Variants in FBXL7 observed in about 807,000 individuals in gnomAD.
FBXL7 encodes the protein F-box/LRR-repeat protein 7.
FBXL7 carries 12 observed loss-of-function variants against 38.3 expected under a neutral mutation model. That is an observed-to-expected ratio of 0.31 (90% CI 0.20 to 0.51). The LOEUF (loss-of-function observed/expected upper bound fraction) is 0.51, where lower values mean the gene tolerates loss of function less well. FBXL7 is among the 20% of genes least tolerant of loss of function. The pLI is 0.98. For missense variants in FBXL7, 567 were observed against 676.4 expected (o/e 0.84, Z 1.79); for synonymous variants, 297 against 300.9 (o/e 0.99, Z 0.13).
At chr5:15,769,237 T>A (rs1421620641) in intron 2 of FBXL7, among the ~76,000 whole-genome samples, 1 of 152,228 alleles carries the variant, frequency 6.6e-6, no homozygotes, top group Non-Finnish European at 1.5e-5. Flanking sequence ...ATTGGAATCC[T>A]CTAATAAATA....
chr5:15,624,021 T>A (rs1740730401), intron 2 of FBXL7, among the ~76,000 whole-genome samples: 1 of 152,212 alleles, frequency 6.6e-6, no homozygotes, highest in African/African-American at 2.4e-5. Context: ...TTCATGCTAA[T>A]CATTTTTCTA....
At chr5:15,921,745 G>A (rs1180623608) in intron 2 of FBXL7, among the ~76,000 whole-genome samples, 1 of 152,168 alleles carries the variant, frequency 6.6e-6, no homozygotes, top group Non-Finnish European at 1.5e-5. Context: ...ATGAAAAGGT[G>A]CTCAATATCA....
intron 2 of FBXL7, among the ~76,000 whole-genome samples, chr5:15,687,690 G>C (rs1283990388): frequency 6.6e-6 from 1 of 151,854 alleles, no homozygotes. Flanking sequence ...GCACAGTGAG[G>C]ACAGTGAGGA....
intron 2 of FBXL7, among the ~76,000 whole-genome samples, chr5:15,813,181 T>C (rs1460682287): frequency 2.0e-5 from 3 of 152,026 alleles, no homozygotes; most frequent in Non-Finnish European, 4.4e-5. Flanking sequence ...ATAGGAGTGG[T>C]GAGGGAGGGC....
chr5:15,808,515 C>G (rs934113113), intron 2 of FBXL7, among the ~76,000 whole-genome samples: 2 of 152,166 alleles, frequency 1.3e-5, no homozygotes, highest in African/African-American at 4.8e-5. Context: ...GTATTTCCCA[C>G]TGTGTATCCT....
At chr5:15,718,511 A>T (rs1744106255) in intron 2 of FBXL7, among the ~76,000 whole-genome samples, 1 of 152,196 alleles carries the variant, frequency 6.6e-6, no homozygotes, top group African/African-American at 2.4e-5. Flanking sequence ...TCAATATTTG[A>T]CCCTTTAAGG....
chr5:15,638,474 G>A (rs565747087), intron 2 of FBXL7, among the ~76,000 whole-genome samples: 7 of 152,248 alleles, frequency 4.6e-5, no homozygotes, highest in South Asian at 2.1e-4. Flanking sequence ...AATGAGAATC[G>A]GTATTTAAAT....
intron 2 of FBXL7, among the ~76,000 whole-genome samples, chr5:15,815,561 A>G (rs1579487723): frequency 1.3e-5 from 2 of 152,308 alleles, no homozygotes; most frequent in Admixed American, 1.3e-4. Flanking sequence ...TTCTGCCTTG[A>G]TAGATTATTT....
chr5:15,889,999 C>T (rs1035687029), intron 2 of FBXL7, among the ~76,000 whole-genome samples: 1 of 152,138 alleles, frequency 6.6e-6, no homozygotes, highest in Non-Finnish European at 1.5e-5. Context: ...ATAGTCCTGA[C>T]TTTAGAATGA....
chr5:15,934,464 T>A (rs974839361), intron 3 of FBXL7, among the ~76,000 whole-genome samples: 7 of 151,846 alleles, frequency 4.6e-5, no homozygotes, highest in Non-Finnish European at 7.4e-5. Context: ...AATAAGTGTT[T>A]CCTATATATA....
At chr5:15,626,544 CTGTGTGTGTGTG>C (rs71603784) in intron 2 of FBXL7, among the ~76,000 whole-genome samples, 1 of 148,242 alleles carries the variant, frequency 6.7e-6, no homozygotes, top group Non-Finnish European at 1.5e-5. Context: ...AATTCGTTTC[CTGTGTGTGTGTG>C]TGTGTGTGTG....
At chr5:15,755,947 G>C (rs1238906767) in intron 2 of FBXL7, among the ~76,000 whole-genome samples, 3 of 152,188 alleles carry the variant, frequency 2.0e-5, no homozygotes, top group Admixed American at 6.5e-5. Context: ...AGAGAGAGAA[G>C]AGAGAGACCA....
chr5:15,807,836 T>C (rs182633836), intron 2 of FBXL7, among the ~76,000 whole-genome samples: 1 of 152,184 alleles, frequency 6.6e-6, no homozygotes, highest in South Asian at 2.1e-4. Context: ...TCAGTGTTGA[T>C]ATTTTTGCCA....
chr5:15,650,285 G>C (rs146882144), intron 2 of FBXL7, among the ~76,000 whole-genome samples: 10 of 152,340 alleles, frequency 6.6e-5, no homozygotes, highest in Non-Finnish European at 1.0e-4. Context: ...ACACTATACT[G>C]TAGTCTATTC....
At chr5:15,884,422 A>G (rs537459695) in intron 2 of FBXL7, among the ~76,000 whole-genome samples, 62 of 151,988 alleles carry the variant, frequency 4.1e-4, no homozygotes, top group Non-Finnish European at 7.2e-4. Flanking sequence ...ACCTGCTACC[A>G]CGCCCGGCTA....
chr5:15,784,650 A>AGTGT (rs1737086246), intron 2 of FBXL7, among the ~76,000 whole-genome samples: 1 of 152,044 alleles, frequency 6.6e-6, no homozygotes, highest in African/African-American at 2.4e-5. Context: ...ATTGCTTAAA[A>AGTGT]GTGTGTGGCA....
At chr5:15,568,211 C>T (rs1268966569) in intron 1 of FBXL7, among the ~76,000 whole-genome samples, 9 of 152,038 alleles carry the variant, frequency 5.9e-5, no homozygotes, top group East Asian at 3.9e-4. Context: ...ACAGTCCCAC[C>T]AACAGTGTAA....
chr5:15,664,968 T>C (rs556942861), intron 2 of FBXL7, among the ~76,000 whole-genome samples: 10 of 152,246 alleles, frequency 6.6e-5, no homozygotes, highest in South Asian at 4.1e-4. Flanking sequence ...CAGTTTTTTG[T>C]TTTTCTTTAA....
chr5:15,763,477 T>C (rs1456077432), intron 2 of FBXL7, among the ~76,000 whole-genome samples: 1 of 152,232 alleles, frequency 6.6e-6, no homozygotes, highest in African/African-American at 2.4e-5. Flanking sequence ...GTAAAATTTT[T>C]GGCGAGTTCC....
Sources: allele counts gnomAD v4.1 joint callset (sites outside exome capture counted in the v4.1 genomes callset), GRCh38; gene constraint gnomAD v4.1.1; transcripts MANE v1.5; gene names NCBI Gene and HGNC (gene_info 2026-07-23, HGNC 2026-07-21).